The following CDK14 variants were observed in gnomAD, a reference collection of about 807,000 sequenced individuals.
The protein encoded by CDK14 is cyclin dependent kinase 14.
A neutral mutation model predicts 60.7 loss-of-function variants in CDK14; 34 were observed. That is an observed-to-expected ratio of 0.56 (90% CI 0.43 to 0.75). The LOEUF is 0.75. Among genes scored for constraint, CDK14 ranks in the 30% least tolerant of loss-of-function variants. The pLI is 0.00. For synonymous variants in CDK14, 197 were observed against 203.7 expected, an observed-to-expected ratio of 0.97 and a Z score of 0.28; for missense variants, 482 against 564.1, an observed-to-expected ratio of 0.85 and a Z score of 1.47.
intron 2 of CDK14, among the ~76,000 whole-genome samples, chr7:90,623,951 A>G (rs1461860015): frequency 6.6e-6 from 1 of 152,218 alleles, no homozygotes; most frequent in Admixed American, 6.5e-5. Context: ...ACCCCTTTTC[A>G]TGCTTGCTAA....
Position 90,618,111 on chromosome 7 carries a change from C to T in CDK14, c.123+13862C>T, listed in dbSNP as rs191340612. 3.0e-3 allele frequency among the ~76,000 whole-genome samples: 457 copies of T among 152,214 alleles called. 1 individual carries two copies. Among genetic ancestry groups the T allele is most frequent in the Admixed American group, 6.3e-3 (97 of 15,296 alleles). On this transcript the variant is annotated intron_variant, in intron 2 of 14. Coordinates refer to ENST00000380050, the MANE Select transcript of CDK14 (RefSeq NM_001287135.2). Reference sequence around the variant, plus strand: ...TATACACTTGGATTATTAGCTTGTGCGTGTGAAGCCACTCTGGCTTCATTT... The same window carrying T: ...TATACACTTGGATTATTAGCTTGTGTGTGTGAAGCCACTCTGGCTTCATTT...
intron 4 of CDK14, among the ~76,000 whole-genome samples, chr7:90,748,629 C>T (rs928607935): frequency 5.9e-5 from 9 of 152,228 alleles, no homozygotes; most frequent in African/African-American, 2.2e-4. Flanking sequence ...GTTGCCCAGG[C>T]TGGAGTACAG....
intron 2 of CDK14, among the ~76,000 whole-genome samples, chr7:90,661,550 T>C (rs1433974298): frequency 6.6e-6 from 1 of 152,218 alleles, no homozygotes; most frequent in African/African-American, 2.4e-5. Context: ...GATAACCCTG[T>C]ATTTAACCAC....
At chr7:90,849,952 C>T (rs1790593449) in intron 5 of CDK14, among the ~76,000 whole-genome samples, 1 of 151,972 alleles carries the variant, frequency 6.6e-6, no homozygotes, top group African/African-American at 2.4e-5. Context: ...ATAAATGATA[C>T]TTTCAAAGCA....
chr7:90,923,551 A>C (rs909075195), intron 8 of CDK14, among the ~76,000 whole-genome samples: 2 of 152,234 alleles, frequency 1.3e-5, no homozygotes, highest in African/African-American at 2.4e-5. Context: ...AGATTGAAGC[A>C]ATGTAGATAG....
At chr7:91,181,552 A>G (rs1016200506) in intron 14 of CDK14, among the ~76,000 whole-genome samples, 1 of 152,144 alleles carries the variant, frequency 6.6e-6, no homozygotes, top group Non-Finnish European at 1.5e-5. Flanking sequence ...TTTATAGTTT[A>G]TTAGCTGGAA....
chr7:90,740,761 A>G (rs1288899833), intron 3 of CDK14, among the ~76,000 whole-genome samples: 1 of 152,158 alleles, frequency 6.6e-6, no homozygotes, highest in Non-Finnish European at 1.5e-5. Flanking sequence ...TTCTTTAAAC[A>G]CTGTTAATTT....
intron 6 of CDK14, among the ~76,000 whole-genome samples, chr7:90,883,874 G>A (rs1791851315): frequency 6.6e-6 from 1 of 152,170 alleles, no homozygotes. Flanking sequence ...AAAGGCCTTT[G>A]ATGAAATTCA....
intron 4 of CDK14, among the ~76,000 whole-genome samples, chr7:90,750,092 C>T (rs1380269998): frequency 6.6e-6 from 1 of 150,562 alleles, no homozygotes; most frequent in Non-Finnish European, 1.5e-5. Flanking sequence ...CCAAAAGATC[C>T]TACCCAGCAT....
At position 90,978,732 on chromosome 7, in the gene CDK14, T is replaced by C. The variant is rs1056022497; in HGVS notation, c.948-5416T>C. Among the ~76,000 whole-genome samples the C allele has an allele frequency of 3.3e-5, 5 of 152,268 alleles. No homozygotes were observed. The South Asian group carries it at 8.3e-4, about 25-fold the overall frequency. ...ATTTATTTCTCAGTTCAAAATACTTTAGAGATTAAAATATCTTCAATCAAG... is the reference window on the plus strand; with the variant it reads ...ATTTATTTCTCAGTTCAAAATACTTCAGAGATTAAAATATCTTCAATCAAG... On this transcript the variant is annotated intron_variant, in intron 9 of 14. Transcript: ENST00000380050.
chr7:91,014,896 G>C (rs1339762946), intron 10 of CDK14, among the ~76,000 whole-genome samples: 1 of 152,124 alleles, frequency 6.6e-6, no homozygotes, highest in Non-Finnish European at 1.5e-5. Flanking sequence ...TCCCCTTTCA[G>C]TTTTTCAAAG....
At chr7:90,837,577 C>A (rs148883603) in intron 5 of CDK14, among the ~76,000 whole-genome samples, 192 of 152,174 alleles carry the variant, frequency 1.3e-3, no homozygotes, top group African/African-American at 4.4e-3. Context: ...CTGTCACTGC[C>A]CTCTGCTTTT....
chr7:90,711,147 T>C (rs549428105), intron 2 of CDK14, among the ~76,000 whole-genome samples: 1 of 152,180 alleles, frequency 6.6e-6, no homozygotes, highest in African/African-American at 2.4e-5. Context: ...CTGTATAATT[T>C]TGTGACATAA....
At chr7:91,069,682 A>G (rs1400343846) in intron 11 of CDK14, among the ~76,000 whole-genome samples, 1 of 152,248 alleles carries the variant, frequency 6.6e-6, no homozygotes. Context: ...TGAAGGATGT[A>G]TATGTGAATG....
intron 2 of CDK14, among the ~76,000 whole-genome samples, chr7:90,721,563 G>A (rs1802454007): frequency 6.6e-6 from 1 of 152,102 alleles, no homozygotes; most frequent in Admixed American, 6.6e-5. Context: ...CAGTTTTCTG[G>A]TAACAGCTGG....
intron 5 of CDK14, among the ~76,000 whole-genome samples, chr7:90,833,560 T>C (rs1383870948): frequency 6.6e-6 from 1 of 152,196 alleles, no homozygotes; most frequent in Non-Finnish European, 1.5e-5. Flanking sequence ...AGACAATGCA[T>C]TGGAGTTGGT....
chr7:91,088,573 G>A (rs1374232950), intron 12 of CDK14, among the ~76,000 whole-genome samples: 1 of 127,860 alleles, frequency 7.8e-6, no homozygotes, highest in Middle Eastern at 3.9e-3. Context: ...ATATATATGT[G>A]TGTGTGTGTG....
chr7:91,112,305 T>C (rs1053071264), intron 12 of CDK14, among the ~76,000 whole-genome samples: 1 of 152,178 alleles, frequency 6.6e-6, no homozygotes, highest in Non-Finnish European at 1.5e-5. Context: ...GTATCAATCC[T>C]TTGCCTATAG....
Position 90,975,723 on chromosome 7 carries a change from T to C in CDK14, c.948-8425T>C, listed in dbSNP as rs543315426. Among the ~76,000 whole-genome samples the C allele has an allele frequency of 8.0e-4, 122 of 152,248 alleles. 1 individual carries two copies. In the Middle Eastern group the frequency reaches 0.01, roughly 13 times the overall value. On this transcript the variant is annotated intron_variant, in intron 9 of 14. Transcript: ENST00000380050. ...ACCCTTACCAGCCTCTAGTACCTTC[T>C]GTTCTACTTTTTACTTCTATGACAT...
Sources: allele counts gnomAD v4.1 joint callset (sites outside exome capture counted in the v4.1 genomes callset), GRCh38; gene constraint gnomAD v4.1.1; transcripts MANE v1.5; gene names NCBI Gene and HGNC (gene_info 2026-07-23, HGNC 2026-07-21).